Variants in SMARCAD1 observed in about 807,000 individuals in gnomAD.
SMARCAD1 encodes the protein SWI/SNF-related matrix-associated actin-dependent regulator of chromatin subfamily A containing DEAD/H box 1.
Under a neutral mutation model 127.1 loss-of-function variants are expected in SMARCAD1, and 25 were observed. The observed-to-expected ratio is 0.20, with a 90% CI of 0.14 to 0.27. The LOEUF (loss-of-function observed/expected upper bound fraction) is 0.27, where lower values mean the gene tolerates loss of function less well. Ranked by LOEUF, SMARCAD1 falls within the 10% of genes least tolerant of loss-of-function variation. SMARCAD1 has a pLI of 1.00. For missense variants in SMARCAD1, 807 were observed against 1,206.0 expected (o/e 0.67, Z 4.90); for synonymous variants, 400 against 396.9 (o/e 1.01, Z -0.09).
chr4:94,239,952 A>G (rs1453580420), intron 5 of SMARCAD1, among the ~76,000 whole-genome samples: 1 of 152,108 alleles, frequency 6.6e-6, no homozygotes, highest in Non-Finnish European at 1.5e-5. Context: ...TTTTTTTCAG[A>G]CTTAAAATAT....
In SMARCAD1 at chr4:94,232,880, T is replaced by C. The variant is rs1261232624; in HGVS notation, c.369-1074T>C. ...CTGTGGTCTCAGCTACTCAGGAGGC[T>C]GAGGTGGGAGGATTGCTAGAGCCTG... On this transcript the variant is annotated intron_variant, in intron 3 of 23. Transcript: ENST00000354268. 2.4e-4 allele frequency among the ~76,000 whole-genome samples: 37 copies of C among 151,998 alleles called. 1 individual carries two copies.
At chr4:94,259,631 T>G (rs1444249091) in intron 9 of SMARCAD1, among the ~76,000 whole-genome samples, 1 of 152,186 alleles carries the variant, frequency 6.6e-6, no homozygotes, top group Non-Finnish European at 1.5e-5. Flanking sequence ...TAAAGCGTCC[T>G]GAAGTAAGAA....
In SMARCAD1 at chr4:94,280,603, T is replaced by C; in HGVS notation, c.2430T>C (p.His810=). 2 of 1,613,498 alleles carry C rather than the reference T, an allele frequency of 1.2e-6. No individual in the cohort carries two copies. Among genetic ancestry groups the C allele is most frequent in the Non-Finnish European group, 1.7e-6 (2 of 1,179,770 alleles). Reference sequence around the variant, plus strand: ...TGTTTTGTTTTAAGGAACCTACACATTGTGAGGCTAACCCTGACCTGATCT... The same window carrying C: ...TGTTTTGTTTTAAGGAACCTACACACTGTGAGGCTAACCCTGACCTGATCT... The part of the protein sequence containing the change: ...MSQLMLKEPT[H]CEANPDLIFE... The change falls in exon 20 of 24, where the codon CAT becomes CAC. Residue 810 remains histidine (H), a synonymous_variant. Coordinates refer to ENST00000354268, the MANE Select transcript of SMARCAD1 (RefSeq NM_020159.5).
At chr4:94,284,343 A>AAAG (rs1754572944) in intron 22 of SMARCAD1, among the ~76,000 whole-genome samples, 1 of 104,718 alleles carries the variant, frequency 9.5e-6, no homozygotes, top group African/African-American at 2.9e-5. Context: ...AAAAAAAAAA[A>AAAG]AAAAAAAAAA....
Position 94,273,682 on chromosome 4 carries a change from T to G in SMARCAD1, c.1638T>G (p.Gly546=), listed in dbSNP as rs1246525204. ...ACCTCTATCAGGAGGGTAATAATGG[T>G]CCTCATTTGATCGTTGTTCCAGCTT... ...LAYLYQEGNN[G]PHLIVVPAST... Residue 546 remains glycine (G), a synonymous_variant, in exon 12 of 24, where the codon GGT becomes GGG. Transcript: ENST00000354268. 2 of 1,613,896 alleles carry G rather than the reference T, an allele frequency of 1.2e-6. No individual in the cohort carries two copies. The highest frequency in any genetic ancestry group is 3.3e-5 in the Admixed American group (2 of 60,026).
intron 2 of SMARCAD1, among the ~76,000 whole-genome samples, chr4:94,218,286 A>AT (rs1316666196): frequency 1.3e-4 from 20 of 150,754 alleles, no homozygotes; most frequent in Admixed American, 1.3e-3. Flanking sequence ...TAATTGTTTT[A>AT]TTTTATTTTT....
intron 9 of SMARCAD1, among the ~76,000 whole-genome samples, chr4:94,263,705 T>C (rs1172811025): frequency 1.3e-5 from 2 of 151,992 alleles, no homozygotes; most frequent in Non-Finnish European, 2.9e-5. Context: ...ATGTGATTCT[T>C]GTCATAACTT....
At chr4:94,233,553 A>G (rs1195531269) in intron 3 of SMARCAD1, among the ~76,000 whole-genome samples, 1 of 152,202 alleles carries the variant, frequency 6.6e-6, no homozygotes, top group Admixed American at 6.5e-5. Context: ...CCTGAAAATT[A>G]CTTTATCTTT....
chr4:94,262,361 C>T (rs1440206585), intron 9 of SMARCAD1, among the ~76,000 whole-genome samples: 2 of 152,124 alleles, frequency 1.3e-5, no homozygotes, highest in African/African-American at 4.8e-5. Flanking sequence ...CATTCATCTC[C>T]CCACACTTAA....
intron 19 of SMARCAD1, among the ~76,000 whole-genome samples, chr4:94,280,303 A>T (rs1225851031): frequency 6.6e-6 from 1 of 151,880 alleles, no homozygotes; most frequent in African/African-American, 2.4e-5. Context: ...TAATAACACC[A>T]CCCTTGTTTC....
Position 94,284,345 on chromosome 4 carries a change from AAAAAAAAAG to A in SMARCAD1, c.2910-608_2910-600del, listed in dbSNP as rs1439010764. On this transcript the variant is annotated intron_variant, in intron 22 of 23. Coordinates refer to ENST00000354268, the MANE Select transcript of SMARCAD1 (RefSeq NM_020159.5). Reference sequence around the variant, plus strand: ...CCGTCTCAAAAAAAAAAAAAAAAAAAAAAAAAAAGAAAAAAGTAATTTCCATCTGAACAC... The same window carrying A: ...CCGTCTCAAAAAAAAAAAAAAAAAAAAAAAAAGTAATTTCCATCTGAACAC... 3.8e-4 allele frequency among the ~76,000 whole-genome samples: 38 copies of A among 100,526 alleles called. 1 individual carries two copies. The highest frequency in any genetic ancestry group is 1.1e-3 in the South Asian group (3 of 2,708). 65.9% of individuals were successfully genotyped at this position (100,526 alleles called of 152,430 possible).
At chr4:94,240,024 A>G (rs1266934252) in intron 5 of SMARCAD1, among the ~76,000 whole-genome samples, 4 of 152,302 alleles carry the variant, frequency 2.6e-5, no homozygotes, top group South Asian at 4.1e-4. Flanking sequence ...TAAAATGTTA[A>G]TAACATTCCA....
intron 5 of SMARCAD1, among the ~76,000 whole-genome samples, chr4:94,240,523 C>G (rs1417572663): frequency 2.0e-5 from 3 of 152,120 alleles, no homozygotes; most frequent in African/African-American, 7.2e-5. Flanking sequence ...TCAGAAATTG[C>G]TGGTTTCTGT....
chr4:94,229,794 G>A (rs1412412202), intron 3 of SMARCAD1, among the ~76,000 whole-genome samples: 1 of 119,838 alleles, frequency 8.3e-6, no homozygotes, highest in African/African-American at 2.7e-5. Flanking sequence ...ATGTGAAAAT[G>A]TGTGGTGTTT....
intron 2 of SMARCAD1, among the ~76,000 whole-genome samples, chr4:94,220,753 C>G (rs2664883): frequency 6.6e-6 from 1 of 152,252 alleles, no homozygotes; most frequent in Admixed American, 6.5e-5. Flanking sequence ...GGCCAAGGCT[C>G]TAGACGGTTC....
intron 9 of SMARCAD1, among the ~76,000 whole-genome samples, chr4:94,262,727 A>T (rs1234315995): frequency 6.6e-6 from 1 of 152,004 alleles, no homozygotes; most frequent in Non-Finnish European, 1.5e-5. Context: ...CTTAGATTTT[A>T]TTAGTCTTTT....
Position 94,278,709 on chromosome 4 carries a change from T to C in SMARCAD1, c.2272T>C (p.Leu758=). The change falls in exon 18 of 24, where the codon TTG becomes CTG. Residue 758 remains leucine (L), a synonymous_variant. Coordinates refer to ENST00000354268, the MANE Select transcript of SMARCAD1 (RefSeq NM_020159.5). ...EQLYLGLFNR[L]KKSINNLEKN... Reference sequence around the variant, plus strand: ...ACTCTATTTGGGTCTTTTCAACAGATTGAAAAAATCTATCAATAACTTGGG... The same window carrying C: ...ACTCTATTTGGGTCTTTTCAACAGACTGAAAAAATCTATCAATAACTTGGG... 1.9e-6 allele frequency: 3 copies of C among 1,614,000 alleles called. No homozygotes were observed. Among genetic ancestry groups the C allele is most frequent in the Non-Finnish European group, 2.5e-6 (3 of 1,179,954 alleles).
At chr4:94,281,053 T>C (rs1031238260) in intron 20 of SMARCAD1, among the ~76,000 whole-genome samples, 5 of 152,226 alleles carry the variant, frequency 3.3e-5, no homozygotes, top group African/African-American at 4.8e-5. Flanking sequence ...ACAATCTGTA[T>C]GTGTGCTTCA....
intron 3 of SMARCAD1, among the ~76,000 whole-genome samples, chr4:94,230,362 A>G (rs966628489): frequency 6.6e-6 from 1 of 151,884 alleles, no homozygotes; most frequent in Non-Finnish European, 1.5e-5. Flanking sequence ...TACTTAGCAT[A>G]TATGTATATA....
Sources: gnomAD v4.1 joint callset for allele counts (sites outside exome capture counted in the v4.1 genomes callset) on GRCh38, gnomAD v4.1.1 for gene constraint, MANE v1.5 for transcripts, NCBI Gene and HGNC (gene_info 2026-07-23, HGNC 2026-07-21) for gene names.